WWOX: variants seen among roughly 807,000 people sequenced by gnomAD.
WWOX encodes WW domain containing oxidoreductase, also known as WW domain-containing oxidoreductase.
A neutral mutation model predicts 46.2 loss-of-function variants in WWOX; 69 were observed. The ratio of observed to expected loss-of-function variants is 1.49; its 90% CI spans 1.23 to 1.82. WWOX has a LOEUF of 1.82. WWOX is among the 40% of genes most tolerant of loss of function. The pLI is 0.00. For missense variants in WWOX, 919 were observed against 542.6 expected (o/e 1.69, Z -6.89); for synonymous variants, 359 against 202.6 (o/e 1.77, Z -6.56).
At chr16:78,686,443 G>A (rs902342201) in intron 8 of WWOX, among the ~76,000 whole-genome samples, 2 of 152,066 alleles carry the variant, frequency 1.3e-5, no homozygotes, top group African/African-American at 4.8e-5. Flanking sequence ...CCCGGGAGGT[G>A]GAGTTTGCAG....
chr16:78,510,220 T>C (rs2085328793), intron 8 of WWOX, among the ~76,000 whole-genome samples: 1 of 152,186 alleles, frequency 6.6e-6, no homozygotes, highest in Admixed American at 6.5e-5. Flanking sequence ...TTCATCCTTC[T>C]TTTTTTGGAG....
intron 8 of WWOX, among the ~76,000 whole-genome samples, chr16:78,542,018 CAAA>C (rs548366256): frequency 6.3e-3 from 257 of 40,624 alleles, no homozygotes; most frequent in Admixed American, 0.01. Flanking sequence ...CAGAGTATAC[CAAA>C]AAAAAAAAAA....
At chr16:78,531,953 GGGT>G (rs1352271847) in intron 8 of WWOX, among the ~76,000 whole-genome samples, 2 of 152,124 alleles carry the variant, frequency 1.3e-5, no homozygotes, top group African/African-American at 4.8e-5. Context: ...CTTCCCAAAA[GGGT>G]GGGAAATTTT....
At chr16:78,452,218 C>A (rs980182966) in intron 8 of WWOX, among the ~76,000 whole-genome samples, 1 of 152,166 alleles carries the variant, frequency 6.6e-6, no homozygotes, top group African/African-American at 2.4e-5. Flanking sequence ...GGATTGTCCG[C>A]ACTCATAAAA....
chr16:79,111,903 A>G (rs1336625333), intron 8 of WWOX, among the ~76,000 whole-genome samples: 1 of 152,130 alleles, frequency 6.6e-6, no homozygotes, highest in Non-Finnish European at 1.5e-5. Flanking sequence ...TGAGGGTAAT[A>G]AACTCAAGCT....
At chr16:78,219,470 G>A (rs1002721165) in intron 5 of WWOX, among the ~76,000 whole-genome samples, 1 of 152,146 alleles carries the variant, frequency 6.6e-6, no homozygotes, top group Non-Finnish European at 1.5e-5. Context: ...TAAAGTGACA[G>A]GAAGAGACTC....
chr16:78,427,593 C>T (rs1222473159), intron 7 of WWOX, among the ~76,000 whole-genome samples: 2 of 151,938 alleles, frequency 1.3e-5, no homozygotes, highest in South Asian at 4.2e-4. Flanking sequence ...AGAATCCAGC[C>T]TAATTATTTT....
At chr16:78,318,272 ATTTTTT>A (rs34730954) in intron 5 of WWOX, among the ~76,000 whole-genome samples, 1 of 123,568 alleles carries the variant, frequency 8.1e-6, no homozygotes, top group Non-Finnish European at 1.6e-5. Flanking sequence ...TCTGGGAGGA[ATTTTTT>A]TTTTTTTTTT....
chr16:79,068,060 AG>A (rs142924801), intron 8 of WWOX, among the ~76,000 whole-genome samples: 5,079 of 152,284 alleles, frequency 0.033, 112 homozygotes, highest in South Asian at 0.048. Flanking sequence ...TGGGGCTATT[AG>A]CTGCATGTAC....
chr16:78,149,878 G>C (rs746552305), intron 4 of WWOX, among the ~76,000 whole-genome samples: 10 of 152,124 alleles, frequency 6.6e-5, no homozygotes, highest in Non-Finnish European at 4.4e-5. Flanking sequence ...AGGAAACACT[G>C]TGTCTTCCTC....
Position 78,368,640 on chromosome 16 carries a change from C to T in WWOX, c.517-18220C>T, listed in dbSNP as rs568704899. Among the ~76,000 whole-genome samples the T allele has an allele frequency of 4.8e-4, 73 of 152,310 alleles. 1 individual carries two copies. Among genetic ancestry groups the T allele is most frequent in the Admixed American group, 3.3e-4 (5 of 15,298 alleles). On this transcript the variant is annotated intron_variant, in intron 5 of 8. Transcript: ENST00000566780. ...GGCCAGGGTGTATTAACATGCATGC[C>T]ATCGTGAAGTGGCTTCTAATGGACA...
rs531477021 is a variant in WWOX at position 79,118,758 on chromosome 16, T to C, written c.1057-92850T>C. On this transcript the variant is annotated intron_variant, in intron 8 of 8. Transcript: ENST00000566780. Reference sequence around the variant, plus strand: ...CACGTGTTGTGTTGTGTGGTGTTTGTCCCACATAGAGATCATTGCCATACG... The same window carrying C: ...CACGTGTTGTGTTGTGTGGTGTTTGCCCCACATAGAGATCATTGCCATACG... Among the ~76,000 whole-genome samples the C allele has an allele frequency of 1.2e-3, 178 of 152,342 alleles. 1 individual carries two copies. The highest frequency in any genetic ancestry group is 4.1e-3 in the African/African-American group (169 of 41,580).
At chr16:78,186,988 T>C (rs972437100) in intron 5 of WWOX, among the ~76,000 whole-genome samples, 1 of 152,174 alleles carries the variant, frequency 6.6e-6, no homozygotes, top group African/African-American at 2.4e-5. Flanking sequence ...TTGCATGTAC[T>C]CATTTGTGTG....
At chr16:78,368,824 A>C (rs549789758) in intron 5 of WWOX, among the ~76,000 whole-genome samples, 1 of 152,310 alleles carries the variant, frequency 6.6e-6, no homozygotes, top group Non-Finnish European at 1.5e-5. Flanking sequence ...CTACAGAGCC[A>C]GATTCGAATG....
At chr16:78,793,596 C>G (rs1005569585) in intron 8 of WWOX, among the ~76,000 whole-genome samples, 4 of 152,084 alleles carry the variant, frequency 2.6e-5, no homozygotes, top group South Asian at 4.1e-4. Context: ...AAGAGGTAAC[C>G]TTTATTGTTT....
intron 8 of WWOX, among the ~76,000 whole-genome samples, chr16:79,043,029 T>C (rs183898518): frequency 9.2e-4 from 140 of 152,272 alleles, no homozygotes; most frequent in African/African-American, 2.8e-3. Flanking sequence ...AGTGATGTAA[T>C]GGGACAGGCT....
intron 8 of WWOX, among the ~76,000 whole-genome samples, chr16:78,624,693 A>G (rs1161262649): frequency 6.6e-6 from 1 of 152,226 alleles, no homozygotes; most frequent in Non-Finnish European, 1.5e-5. Context: ...GATTTTTCTC[A>G]AAGTTGCCTT....
At chr16:79,029,896 C>T (rs1204454397) in intron 8 of WWOX, among the ~76,000 whole-genome samples, 2 of 152,144 alleles carry the variant, frequency 1.3e-5, no homozygotes, top group East Asian at 1.9e-4. Context: ...CGAAAGGAAG[C>T]ATAAACGCAT....
chr16:78,416,672 A>C (rs112050981), intron 6 of WWOX, among the ~76,000 whole-genome samples: 1 of 152,212 alleles, frequency 6.6e-6, no homozygotes, highest in South Asian at 2.1e-4. Context: ...ATTGAGAAGT[A>C]TGAAGTTAAA....
Sources: gnomAD v4.1 joint callset for allele counts (sites outside exome capture counted in the v4.1 genomes callset) on GRCh38, gnomAD v4.1.1 for gene constraint, MANE v1.5 for transcripts, NCBI Gene and HGNC (gene_info 2026-07-23, HGNC 2026-07-21) for gene names.